The following P2RY2 variants were observed in gnomAD, a reference collection of about 807,000 sequenced individuals.
The protein encoded by P2RY2 is purinergic receptor P2Y2, also known as P2Y purinoceptor 2.
For synonymous variants in P2RY2, 241 were observed against 231.9 expected, an observed-to-expected ratio of 1.04 and a Z score of -0.35; for missense variants, 567 against 515.7, an observed-to-expected ratio of 1.10 and a Z score of -0.96.
At position 73,234,996 on chromosome 11, in the gene P2RY2, C is replaced by T. The variant is rs1328333750; in HGVS notation, c.837C>T (p.His279=). 1.2e-6 allele frequency: 2 copies of T among 1,609,398 alleles called. No individual in the cohort carries two copies. The highest frequency in any genetic ancestry group is 1.1e-5 in the South Asian group (1 of 91,090). Residue 279 remains histidine, a synonymous_variant, in exon 3 of 3, where the codon CAC becomes CAT. Coordinates refer to ENST00000393597, the MANE Select transcript of P2RY2 (RefSeq NM_002564.4). Reference sequence around the variant, plus strand: ...TCCGCTCGCTGGACCTCAGCTGCCACACCCTCAACGCCATCAACATGGCCT... The same window carrying T: ...TCCGCTCGCTGGACCTCAGCTGCCATACCCTCAACGCCATCAACATGGCCT... ...YSFRSLDLSC[H]TLNAINMAYK...
chr11:73,227,882 G>A (rs1039682695), intron 1 of P2RY2, 99 bp from the exon 2 acceptor site: 6 of 152,198 alleles, frequency 3.9e-5, no homozygotes, highest in Non-Finnish European at 7.3e-5. Flanking sequence ...CCTCCTTCTG[G>A]TTAAGGTTAC....
At chr11:73,230,431 C>T (rs566320926) in intron 2 of P2RY2, among the ~76,000 whole-genome samples, 1 of 152,058 alleles carries the variant, frequency 6.6e-6, no homozygotes, top group African/African-American at 2.4e-5. Context: ...AAAAGGCCAC[C>T]GCTAGCTGAA....
chr11:73,225,028 C>T (rs10082637), intron 1 of P2RY2, among the ~76,000 whole-genome samples: 2,326 of 152,298 alleles, frequency 0.015, 58 homozygotes, highest in African/African-American at 0.053. Flanking sequence ...CTCTTGCCCC[C>T]TCAATGAGGT....
At position 73,238,017 on chromosome 11, in the gene P2RY2, T is replaced by C. The variant is rs947544460; in HGVS notation, c.*2724T>C. On this transcript the variant is annotated 3_prime_UTR_variant, in exon 3 of 3. Transcript: ENST00000393597. The stretch of plus-strand genomic sequence containing the variant: ...ATGAAGGCCACTGTGAAAGGGCACG[T>C]GAGTTGCCCATCCACTGAGCAGACC... Among the ~76,000 whole-genome samples, 3 of 152,132 alleles carry C rather than the reference T, an allele frequency of 2.0e-5. No individual in the cohort carries two copies. The highest frequency in any genetic ancestry group is 7.2e-5 in the African/African-American group (3 of 41,408).
At position 73,240,779 on chromosome 11, in the gene P2RY2, C is replaced by A. The variant is rs1042372959; in HGVS notation, c.*5486C>A. The A allele has an allele frequency of 1.3e-5, 2 of 152,360 alleles. No homozygotes were observed. The highest frequency in any genetic ancestry group is 4.8e-5 in the African/African-American group (2 of 41,456). 9.4% of individuals were successfully genotyped at this position (152,360 alleles called of 1,614,324 possible). A position where few individuals can be genotyped will look rare whatever the true frequency, so the allele number is the denominator to read the frequency against. ...TTCCTGGGATGGGCACCTGGGATAG[C>A]AGCCCAAGTGGTGTGGGTGGAGAGG... On this transcript the variant is annotated 3_prime_UTR_variant, in exon 3 of 3. Coordinates refer to ENST00000393597, the MANE Select transcript of P2RY2 (RefSeq NM_002564.4).
chr11:73,226,293 T>G (rs1862276550), intron 1 of P2RY2, among the ~76,000 whole-genome samples: 1 of 152,180 alleles, frequency 6.6e-6, no homozygotes, highest in South Asian at 2.1e-4. Context: ...TTCTCCATTT[T>G]AGCCTGTTGA....
chr11:73,236,059 T>C lies in P2RY2; in HGVS notation c.*766T>C. 1 of 997,406 alleles carries C rather than the reference T, an allele frequency of 1.0e-6. No individual in the cohort carries two copies. The highest frequency in any genetic ancestry group is 1.2e-6 in the Non-Finnish European group (1 of 827,524). The allele number at this position is 997,406 out of a possible 1,614,324, so 61.8% of individuals were successfully genotyped here. A position where few individuals can be genotyped will look rare whatever the true frequency, so the allele number is the denominator to read the frequency against. On this transcript the variant is annotated 3_prime_UTR_variant, in exon 3 of 3. Transcript: ENST00000393597. ...GCCTTCTCACTAGCTGTCTCAGGAGTAGTCTCATATCAGGGATCCTCTCTC... is the reference window on the plus strand; with the variant it reads ...GCCTTCTCACTAGCTGTCTCAGGAGCAGTCTCATATCAGGGATCCTCTCTC...
rs1310927652 is a variant in P2RY2, at chr11:73,239,247, G to A, written c.*3954G>A. The A allele has an allele frequency of 2.0e-5, 3 of 152,372 alleles. No homozygotes were observed. The highest frequency in any genetic ancestry group is 4.4e-5 in the Non-Finnish European group (3 of 68,152). 9.4% of individuals were successfully genotyped at this position (152,372 alleles called of 1,614,324 possible). A position where few individuals can be genotyped will look rare whatever the true frequency, so the allele number is the denominator to read the frequency against. On this transcript the variant is annotated 3_prime_UTR_variant, in exon 3 of 3. Transcript: ENST00000393597. ...GTGTGTCTGGCCAGTGAGCAACAGT[G>A]GGCCATACGTCTCCAGGGAACCCCC...
intron 1 of P2RY2, among the ~76,000 whole-genome samples, chr11:73,226,376 C>T (rs1271897788): frequency 1.3e-5 from 2 of 152,130 alleles, no homozygotes; most frequent in Admixed American, 6.5e-5. Context: ...GCTGACCATC[C>T]CTCACCTTGT....
chr11:73,228,982 T>C (rs2135638730), intron 2 of P2RY2, among the ~76,000 whole-genome samples: 1 of 132,996 alleles, frequency 7.5e-6, no homozygotes. Context: ...CCCCATAGCC[T>C]CTTGTGCTTG....
rs750294227 is a variant in P2RY2 at position 73,234,195 on chromosome 11, C to G, written c.36C>G (p.Ile12Met). 7 of 1,613,414 alleles carry G rather than the reference C, an allele frequency of 4.3e-6. No individual in the cohort carries two copies. Among genetic ancestry groups the G allele is most frequent in the East Asian group, 4.5e-5 (2 of 44,892 alleles). Residue 12 changes from isoleucine (I) to methionine (M), a missense_variant, in exon 3 of 3, where the codon ATC (isoleucine) becomes ATG (methionine). By Grantham distance (10) the Ile-to-Met change is conservative. Coordinates refer to ENST00000393597, the MANE Select transcript of P2RY2 (RefSeq NM_002564.4). ...ACCTGGGCCCCTGGAATGACACCAT[C>G]AATGGCACCTGGGATGGGGATGAGC... ...AADLGPWNDTINGTWDGDELG... is the reference protein window; with the variant it reads ...AADLGPWNDTMNGTWDGDELG...
Position 73,235,058 on chromosome 11 carries a change from G to A in P2RY2, c.899G>A (p.Cys300Tyr), listed in dbSNP as rs1301236458. The A allele has an allele frequency of 6.2e-7, 1 of 1,608,244 alleles. No individual in the cohort carries two copies. The stretch of plus-strand genomic sequence containing the variant: ...CGGCCGCTGGCCAGTGCTAACAGTT[G>A]CCTTGACCCCGTGCTCTACTTCCTG... ...VTRPLASANS[C>Y]LDPVLYFLAG... The change falls in exon 3 of 3, where the codon TGC becomes TAC. Residue 300 changes from cysteine (C) to tyrosine (Y), a missense_variant. By Grantham distance (194) the Cys-to-Tyr change is radical (BLOSUM62 -2). Coordinates refer to ENST00000393597, the MANE Select transcript of P2RY2 (RefSeq NM_002564.4).
intron 2 of P2RY2, among the ~76,000 whole-genome samples, chr11:73,229,362 G>T (rs951959998): frequency 1.3e-5 from 2 of 152,128 alleles, no homozygotes; most frequent in African/African-American, 4.8e-5. Context: ...CCTTGGGGCA[G>T]GGCCAGCCAG....
intron 2 of P2RY2, among the ~76,000 whole-genome samples, chr11:73,233,848 T>C: frequency 6.6e-6 from 1 of 152,206 alleles, no homozygotes. Context: ...ATATGGTCTT[T>C]ATCACAACTA....
At position 73,237,757 on chromosome 11, in the gene P2RY2, C is replaced by T. The variant is rs1044500338; in HGVS notation, c.*2464C>T. 6.6e-6 allele frequency among the ~76,000 whole-genome samples: 1 copy of T among 152,208 alleles called. No individual in the cohort carries two copies. Among genetic ancestry groups the T allele is most frequent in the East Asian group, 1.9e-4 (1 of 5,194 alleles). ...GCCTGGCCCCTTGGTATGCACGTCC[C>T]ACCTTGCTGCTCAGTGCCCAGGCCA... On this transcript the variant is annotated 3_prime_UTR_variant, in exon 3 of 3. Transcript: ENST00000393597.
At chr11:73,221,488 G>A (rs1809452063) in intron 1 of P2RY2, among the ~76,000 whole-genome samples, 1 of 152,290 alleles carries the variant, frequency 6.6e-6, no homozygotes, top group East Asian at 1.9e-4. Context: ...CTGGGAACCT[G>A]TGTTTGGGGC....
chr11:73,237,121 C>G lies in P2RY2; in HGVS notation c.*1828C>G. 1.0e-6 allele frequency: 1 copy of G among 985,394 alleles called. No individual in the cohort carries two copies. The highest frequency in any genetic ancestry group is 1.2e-6 in the Non-Finnish European group (1 of 829,904). The allele number at this position is 985,394 out of a possible 1,614,324, so 61.0% of individuals were successfully genotyped here. A position where few individuals can be genotyped will look rare whatever the true frequency, so the allele number is the denominator to read the frequency against. On this transcript the variant is annotated 3_prime_UTR_variant, in exon 3 of 3. Coordinates refer to ENST00000393597, the MANE Select transcript of P2RY2 (RefSeq NM_002564.4). ...GCCCTCATGTGACAGAGACCCATCA[C>G]AGACCATGACCCAAATGATTACTCT...
In P2RY2 at chr11:73,236,676, C is replaced by T. The variant is rs1862661236; in HGVS notation, c.*1383C>T. 2.0e-6 allele frequency: 2 copies of T among 985,414 alleles called. No individual in the cohort carries two copies. Among genetic ancestry groups the T allele is most frequent in the Admixed American group, 1.2e-4 (2 of 16,288 alleles). The allele number at this position is 985,414 out of a possible 1,614,324, so 61.0% of individuals were successfully genotyped here. ...TTAGGGCTCCCTCCTTGCCCTGACC[C>T]TGAGGCTTCCTTTGCACTGGGGGTA... On this transcript the variant is annotated 3_prime_UTR_variant, in exon 3 of 3. Coordinates refer to ENST00000393597, the MANE Select transcript of P2RY2 (RefSeq NM_002564.4).
intron 1 of P2RY2, among the ~76,000 whole-genome samples, chr11:73,223,784 T>C (rs894937165): frequency 6.6e-6 from 1 of 152,222 alleles, no homozygotes; most frequent in African/African-American, 2.4e-5. Context: ...TGTTCTGGGC[T>C]ATGCTGGGTT....
Sources: allele counts gnomAD v4.1 joint callset (sites outside exome capture counted in the v4.1 genomes callset), GRCh38; gene constraint gnomAD v4.1.1; transcripts MANE v1.5; gene names NCBI Gene and HGNC (gene_info 2026-07-23, HGNC 2026-07-21).